Variants in ZNF106 observed in about 807,000 individuals in gnomAD.
The protein encoded by ZNF106 is SH3-domain binding protein 3.
Under a neutral mutation model 195.1 loss-of-function variants are expected in ZNF106, and 67 were observed. That is an observed-to-expected ratio of 0.34 (90% CI 0.28 to 0.42). ZNF106 has a LOEUF of 0.42. Ranked by LOEUF, ZNF106 falls within the 10% of genes least tolerant of loss-of-function variation. The pLI is 1.00. For missense variants in ZNF106, 2,118 were observed against 2,304.5 expected, an observed-to-expected ratio of 0.92 and a Z score of 1.66; for synonymous variants, 784 against 818.6, an observed-to-expected ratio of 0.96 and a Z score of 0.72.
At chr15:42,483,394 G>A (rs989467796) in intron 1 of ZNF106, among the ~76,000 whole-genome samples, 4 of 152,146 alleles carry the variant, frequency 2.6e-5, no homozygotes, top group Non-Finnish European at 5.9e-5. Flanking sequence ...CCTCCATCAT[G>A]CGATGGAGTA....
intron 14 of ZNF106, among the ~76,000 whole-genome samples, chr15:42,433,990 AGGTGTGC>A (rs1428706632): frequency 6.6e-6 from 1 of 152,134 alleles, no homozygotes; most frequent in Non-Finnish European, 1.5e-5. Context: ...CTAGGACTAT[AGGTGTGC>A]ATCACCACAC....
At chr15:42,444,752 C>T in intron 8 of ZNF106, 75 bp downstream of exon 8, 1 of 1,574,436 alleles carries the variant, frequency 6.4e-7, no homozygotes. Flanking sequence ...GGGGTGACTC[C>T]AGACATGGGT....
At chr15:42,438,427 C>T (rs2055368257) in intron 12 of ZNF106, among the ~76,000 whole-genome samples, 185 bp downstream of exon 12, 1 of 152,144 alleles carries the variant, frequency 6.6e-6, no homozygotes, top group African/African-American at 2.4e-5. Flanking sequence ...GAATAAGAAT[C>T]TGAAAGACCA....
intron 3 of ZNF106, among the ~76,000 whole-genome samples, chr15:42,458,372 C>T (rs1249401086): frequency 1.4e-5 from 2 of 143,422 alleles, no homozygotes; most frequent in African/African-American, 5.2e-5. Flanking sequence ...TACTAGAGGA[C>T]AGTTACTGTT....
chr15:42,432,163 T>A (rs1452080541), intron 14 of ZNF106, among the ~76,000 whole-genome samples: 1 of 152,128 alleles, frequency 6.6e-6, no homozygotes, highest in Non-Finnish European at 1.5e-5. Context: ...TCCTTGTCTT[T>A]TTCATTTTTT....
At chr15:42,433,215 C>G (rs1429882091) in intron 14 of ZNF106, among the ~76,000 whole-genome samples, 2 of 151,928 alleles carry the variant, frequency 1.3e-5, no homozygotes, top group Non-Finnish European at 2.9e-5. Flanking sequence ...ACACCATTCT[C>G]CTGCCTCAGC....
intron 19 of ZNF106, among the ~76,000 whole-genome samples, 161 bp from the exon 20 acceptor site, chr15:42,421,293 T>C (rs1782430427): frequency 6.6e-6 from 1 of 152,200 alleles, no homozygotes; most frequent in Non-Finnish European, 1.5e-5. Context: ...TTTCCAGATC[T>C]TCTAGTCTAG....
rs187317806 is a variant in ZNF106 at position 42,470,491 on chromosome 15, A to G, written c.54+1745T>C. Among the ~76,000 whole-genome samples the G allele has an allele frequency of 7.2e-4, 110 of 152,264 alleles. 3 individuals are homozygous for G. In the East Asian group the frequency reaches 0.013, roughly 18 times the overall value. On this transcript the variant is annotated intron_variant, in intron 2 of 21. Coordinates refer to ENST00000564754, the MANE Select transcript of ZNF106 (RefSeq NM_001366845.3). Reference sequence around the variant, plus strand: ...AAAAAGGCAAAAAATAAAAATAAAAACTACAACCAGCTTTTCCTTTTTTTA... The same window carrying G: ...AAAAAGGCAAAAAATAAAAATAAAAGCTACAACCAGCTTTTCCTTTTTTTA...
At chr15:42,421,825 A>C in intron 19 of ZNF106, 92 bp downstream of exon 19, 1 of 990,840 alleles carries the variant, frequency 1.0e-6, no homozygotes, top group East Asian at 2.5e-5. Context: ...ACAATGAGGC[A>C]TATCAGAAGC....
At chr15:42,444,357 G>A in intron 8 of ZNF106, 95 bp from the exon 9 acceptor site, 2 of 964,466 alleles carry the variant, frequency 2.1e-6, no homozygotes, top group African/African-American at 1.6e-5. Flanking sequence ...CCAAAAATCA[G>A]AGTGTCTTGA....
rs776239295 is a variant in ZNF106 at position 42,448,188 on chromosome 15, C to A, written c.3019G>T (p.Ala1007Ser). 6.2e-7 allele frequency: 1 copy of A among 1,614,122 alleles called. No homozygotes were observed. The highest frequency in any genetic ancestry group is 8.5e-7 in the Non-Finnish European group (1 of 1,180,024). Residue 1007 changes from alanine to serine, a missense_variant, in exon 6 of 22, where the codon GCA becomes TCA. Transcript: ENST00000564754. ...CTGGAGATCGCAAGGGCTGAGGATGCGCTTGATGACAGACAGTTTCCCTCT... is the reference window on the plus strand; with the variant it reads ...CTGGAGATCGCAAGGGCTGAGGATGAGCTTGATGACAGACAGTTTCCCTCT... ...NGEGNCLSSS[A>S]SSALAISSLA...
chr15:42,468,766 A>G (rs1485778234), intron 2 of ZNF106, among the ~76,000 whole-genome samples: 1 of 151,948 alleles, frequency 6.6e-6, no homozygotes, highest in Non-Finnish European at 1.5e-5. Context: ...ATAAAAAAAT[A>G]AGGAGAGAGT....
chr15:42,421,502 G>T (rs1311947912), intron 19 of ZNF106, among the ~76,000 whole-genome samples: 2 of 152,072 alleles, frequency 1.3e-5, no homozygotes, highest in Non-Finnish European at 2.9e-5. Context: ...ATCCATTCTG[G>T]TTCAACTCCA....
chr15:42,489,533 G>T (rs1287935225), intron 1 of ZNF106, among the ~76,000 whole-genome samples: 1 of 152,044 alleles, frequency 6.6e-6, no homozygotes, highest in Non-Finnish European at 1.5e-5. Context: ...CTAATTAAAG[G>T]GCTCCTACTA....
chr15:42,465,656 G>A (rs1309419833), intron 3 of ZNF106, among the ~76,000 whole-genome samples: 1 of 152,170 alleles, frequency 6.6e-6, no homozygotes, highest in Non-Finnish European at 1.5e-5. Context: ...GCAGACTTTG[G>A]ATGTCTCAGA....
At chr15:42,487,870 C>G (rs1027456138) in intron 1 of ZNF106, among the ~76,000 whole-genome samples, 2 of 152,170 alleles carry the variant, frequency 1.3e-5, no homozygotes, top group African/African-American at 4.8e-5. Context: ...AGAGGATATT[C>G]TATGCATATA....
intron 1 of ZNF106, among the ~76,000 whole-genome samples, chr15:42,474,623 T>C (rs185180085): frequency 9.3e-4 from 141 of 152,242 alleles, no homozygotes; most frequent in African/African-American, 2.8e-3. Context: ...CTATGGCTCA[T>C]GCCTGTAATC....
intron 17 of ZNF106, 134 bp from the exon 18 acceptor site, chr15:42,422,754 G>T (rs925872874): frequency 1.1e-6 from 1 of 870,806 alleles, no homozygotes; most frequent in Non-Finnish European, 1.6e-6. Context: ...TGTATTAACT[G>T]TACAAATACA....
chr15:42,460,087 A>G (rs1016559758), intron 3 of ZNF106, among the ~76,000 whole-genome samples: 6 of 152,058 alleles, frequency 3.9e-5, no homozygotes, highest in Non-Finnish European at 7.4e-5. Context: ...AACTCTCTAA[A>G]ACTATGGAAA....
Sources: gnomAD v4.1 joint callset for allele counts (sites outside exome capture counted in the v4.1 genomes callset) on GRCh38, gnomAD v4.1.1 for gene constraint, MANE v1.5 for transcripts, NCBI Gene and HGNC (gene_info 2026-07-23, HGNC 2026-07-21) for gene names.